Variants in FSTL4 observed in about 807,000 individuals in gnomAD.
FSTL4 encodes follistatin like 4, also known as follistatin-related protein 4.
Under a neutral mutation model 78.2 loss-of-function variants are expected in FSTL4, and 28 were observed. That is an observed-to-expected ratio of 0.36 (90% confidence interval 0.27 to 0.49). The LOEUF (loss-of-function observed/expected upper bound fraction) is 0.49. FSTL4 is among the 20% of genes least tolerant of loss of function. The probability of loss-of-function intolerance (pLI) is 0.98; values close to 1 mark genes in which losing one functional copy is unlikely to be tolerated. For missense variants in FSTL4, 922 were observed against 1,084.9 expected, an observed-to-expected ratio of 0.85 and a Z score of 2.11; for synonymous variants, 422 against 440.5, an observed-to-expected ratio of 0.96 and a Z score of 0.53.
the FSTL4 span, among the ~76,000 whole-genome samples, chr5:133,637,411 T>C: frequency 6.6e-5 from 10 of 152,138 alleles, no homozygotes; most frequent in Non-Finnish European, 1.5e-4. Flanking sequence ...TGATTGAGCA[T>C]CTACTATATT....
chr5:133,697,418 T>C, the FSTL4 span, among the ~76,000 whole-genome samples: 1 of 152,194 alleles, frequency 6.6e-6, no homozygotes, highest in East Asian at 1.9e-4. Context: ...CCCCAGACCA[T>C]GCTGACCTCT....
chr5:133,294,329 T>C (rs548430367), intron 6 of FSTL4, among the ~76,000 whole-genome samples: 2 of 152,148 alleles, frequency 1.3e-5, no homozygotes, highest in African/African-American at 4.8e-5. Flanking sequence ...CTGATTTGAG[T>C]TTCATCTCTA....
At chr5:133,731,704 C>G in the FSTL4 span, among the ~76,000 whole-genome samples, 1 of 152,078 alleles carries the variant, frequency 6.6e-6, no homozygotes, top group Non-Finnish European at 1.5e-5. Flanking sequence ...TAAAGCAGGA[C>G]AGAGGGGCTG....
At chr5:133,492,155 T>G (rs1162205891) in intron 3 of FSTL4, among the ~76,000 whole-genome samples, 2 of 152,186 alleles carry the variant, frequency 1.3e-5, no homozygotes, top group East Asian at 3.8e-4. Context: ...TTTTAAGGCC[T>G]AGTATCTTCT....
At chr5:133,617,565 T>G in the FSTL4 span, among the ~76,000 whole-genome samples, 1 of 152,202 alleles carries the variant, frequency 6.6e-6, no homozygotes, top group Admixed American at 6.5e-5. Context: ...GCCCCAAGTC[T>G]TCTTTGAAGA....
At chr5:133,788,293 T>A in the FSTL4 span, among the ~76,000 whole-genome samples, 571 of 152,306 alleles carry the variant, frequency 3.7e-3, 2 homozygotes, top group African/African-American at 0.013. Context: ...CACAGACCAC[T>A]CTTCGCTTCG....
chr5:133,682,957 G>A, the FSTL4 span, among the ~76,000 whole-genome samples: 1 of 152,206 alleles, frequency 6.6e-6, no homozygotes, highest in African/African-American at 2.4e-5. Flanking sequence ...ACACCACTGA[G>A]CCATCTTGGT....
chr5:133,211,842 C>A (rs1750735998), intron 13 of FSTL4, among the ~76,000 whole-genome samples: 2 of 152,154 alleles, frequency 1.3e-5, no homozygotes, highest in Admixed American at 6.5e-5. Context: ...AGAATTCATT[C>A]ATCTGTTGAT....
chr5:133,625,239 C>G, the FSTL4 span, among the ~76,000 whole-genome samples: 2 of 151,706 alleles, frequency 1.3e-5, no homozygotes, highest in South Asian at 2.1e-4. Flanking sequence ...CCAGTGAAAC[C>G]ATCTGAGCTG....
At chr5:133,838,348 ACAAAGT>A in the FSTL4 span, among the ~76,000 whole-genome samples, 1 of 152,354 alleles carries the variant, frequency 6.6e-6, no homozygotes, top group East Asian at 1.9e-4. Flanking sequence ...GTGGCTTAAA[ACAAAGT>A]CAATCATTTA....
chr5:133,273,446 T>C (rs1223595444), intron 6 of FSTL4, among the ~76,000 whole-genome samples: 5 of 152,196 alleles, frequency 3.3e-5, no homozygotes, highest in Admixed American at 1.3e-4. Context: ...TCCTCCAGCC[T>C]GGGGCCCTGT....
chr5:133,230,926 G>A (rs1337425329), intron 8 of FSTL4, among the ~76,000 whole-genome samples: 1 of 152,182 alleles, frequency 6.6e-6, no homozygotes, highest in African/African-American at 2.4e-5. Flanking sequence ...GCTTCCTCCT[G>A]AGGACGCAGC....
At chr5:133,626,680 T>C in the FSTL4 span, among the ~76,000 whole-genome samples, 2 of 152,110 alleles carry the variant, frequency 1.3e-5, no homozygotes, top group Non-Finnish European at 2.9e-5. Context: ...ATGTTTCCAA[T>C]TGTTTGGAAA....
intron 3 of FSTL4, among the ~76,000 whole-genome samples, chr5:133,523,095 C>T (rs556637111): frequency 2.6e-5 from 4 of 151,436 alleles, no homozygotes; most frequent in East Asian, 2.0e-4. Context: ...GTCAGGAGGG[C>T]AGGGCTCAAA....
Position 133,236,459 on chromosome 5 carries a change from C to T in FSTL4, c.895-2922G>A, listed in dbSNP as rs577734882. Among the ~76,000 whole-genome samples the T allele has an allele frequency of 1.3e-5, 2 of 152,192 alleles. No homozygotes were observed. Among genetic ancestry groups the T allele is most frequent in the African/African-American group, 2.4e-5 (1 of 41,540 alleles). ...GAAAACCCCAATCCAGAAAACAAAACAAAAGCCCAGTTCCCCAGGGGCTGA... is the reference window on the plus strand; with the variant it reads ...GAAAACCCCAATCCAGAAAACAAAATAAAAGCCCAGTTCCCCAGGGGCTGA... On this transcript the variant is annotated intron_variant, in intron 7 of 15. Transcript: ENST00000265342. The surrounding 1 kb of genome is among the most constrained non-coding windows in gnomAD (Gnocchi z 5.0).
rs1436524606 is a variant in FSTL4 at position 133,236,828 on chromosome 5, C to G, written c.895-3291G>C. Among the ~76,000 whole-genome samples the G allele has an allele frequency of 6.6e-6, 1 of 152,230 alleles. No homozygotes were observed. The highest frequency in any genetic ancestry group is 1.5e-5 in the Non-Finnish European group (1 of 68,046). On this transcript the variant is annotated intron_variant, in intron 7 of 15. Transcript: ENST00000265342. This position sits in a 1 kb window ranked among gnomAD's most constrained non-coding sequence, Gnocchi z 5.0. ...CCATTTCTGGAGCCTAACCTCTTCC[C>G]CACACCCTGCTTGGCGCCTCCTGTG...
At chr5:133,796,123 T>G in the FSTL4 span, among the ~76,000 whole-genome samples, 9 of 152,242 alleles carry the variant, frequency 5.9e-5, no homozygotes, top group Admixed American at 6.5e-5. Flanking sequence ...TAAGTCTTAT[T>G]TGAAACGACA....
intron 2 of FSTL4, among the ~76,000 whole-genome samples, chr5:133,589,801 C>G (rs1312341214): frequency 6.6e-6 from 1 of 152,128 alleles, no homozygotes; most frequent in Non-Finnish European, 1.5e-5. Flanking sequence ...GATAAGAGCA[C>G]AATACTGTGG....
At chr5:133,474,371 G>C (rs183114355) in intron 3 of FSTL4, among the ~76,000 whole-genome samples, 1 of 152,166 alleles carries the variant, frequency 6.6e-6, no homozygotes, top group Non-Finnish European at 1.5e-5. Flanking sequence ...AGAGAGCACA[G>C]CACCCCCCGG....
Sources: gnomAD v4.1 joint callset for allele counts (sites outside exome capture counted in the v4.1 genomes callset) on GRCh38, gnomAD v4.1.1 for gene constraint, Gnocchi (gnomAD v3.1) non-coding constraint, MANE v1.5 for transcripts, NCBI Gene and HGNC (gene_info 2026-07-23, HGNC 2026-07-21) for gene names.